SDK1: variants seen among roughly 807,000 people sequenced by gnomAD.
The protein encoded by SDK1 is sidekick cell adhesion molecule 1.
A neutral mutation model predicts 245.5 loss-of-function variants in SDK1; 157 were observed. The ratio of observed to expected loss-of-function variants is 0.64; its 90% CI spans 0.56 to 0.73. The LOEUF is 0.73. SDK1 is among the 30% of genes least tolerant of loss of function. The probability of loss-of-function intolerance (pLI) is 0.00; values close to 1 mark genes in which losing one functional copy is unlikely to be tolerated. For synonymous variants in SDK1, 1,647 were observed against 1,278.5 expected, an observed-to-expected ratio of 1.29 and a Z score of -6.15; for missense variants, 3,583 against 3,002.3, an observed-to-expected ratio of 1.19 and a Z score of -4.52.
chr7:4,023,237 A>T (rs1449375788), intron 17 of SDK1, among the ~76,000 whole-genome samples: 3 of 152,026 alleles, frequency 2.0e-5, no homozygotes, highest in Non-Finnish European at 4.4e-5. Flanking sequence ...ATCCCCCTTC[A>T]TCCACCATCC....
intron 4 of SDK1, among the ~76,000 whole-genome samples, chr7:3,812,212 A>T (rs950608181): frequency 1.5e-4 from 23 of 151,280 alleles, no homozygotes; most frequent in Non-Finnish European, 2.9e-5. Context: ...CTGAATGTGC[A>T]AGCTCAGAAA....
At chr7:4,173,139 A>G (rs2128217126) in intron 32 of SDK1, among the ~76,000 whole-genome samples, 1 of 152,316 alleles carries the variant, frequency 6.6e-6, no homozygotes, top group South Asian at 2.1e-4. Flanking sequence ...TTCTGTGCAC[A>G]TCCGTCCTCT....
intron 5 of SDK1, among the ~76,000 whole-genome samples, chr7:3,825,113 A>C (rs1333514588): frequency 6.6e-6 from 1 of 152,120 alleles, no homozygotes; most frequent in South Asian, 2.1e-4. Context: ...TTTCATGGCC[A>C]GCTCCCACTG....
intron 28 of SDK1, among the ~76,000 whole-genome samples, chr7:4,134,316 C>CA (rs1235472287): frequency 2.6e-5 from 4 of 152,200 alleles, no homozygotes; most frequent in Non-Finnish European, 5.9e-5. Context: ...CTCAGTTGAG[C>CA]AGCCACCTTG....
chr7:4,156,476 T>C (rs568221406), intron 30 of SDK1, among the ~76,000 whole-genome samples: 1 of 152,064 alleles, frequency 6.6e-6, no homozygotes, highest in East Asian at 1.9e-4. Context: ...GGACGCTGAG[T>C]GCAGAGGGTC....
intron 30 of SDK1, among the ~76,000 whole-genome samples, chr7:4,153,889 C>G (rs1012745552): frequency 6.6e-6 from 1 of 151,676 alleles, no homozygotes; most frequent in Non-Finnish European, 1.5e-5. Flanking sequence ...CTATGTTGCC[C>G]AAGCTGGTCT....
At chr7:3,378,079 C>T (rs1781398234) in intron 1 of SDK1, among the ~76,000 whole-genome samples, 1 of 152,088 alleles carries the variant, frequency 6.6e-6, no homozygotes, top group African/African-American at 2.4e-5. Flanking sequence ...GCGCCGGCCC[C>T]CAAACTCTAT....
At chr7:3,911,563 C>T (rs1779164361) in intron 5 of SDK1, among the ~76,000 whole-genome samples, 1 of 152,204 alleles carries the variant, frequency 6.6e-6, no homozygotes, top group South Asian at 2.1e-4. Flanking sequence ...CTGATCCATT[C>T]TCCTCCCCAG....
intron 2 of SDK1, among the ~76,000 whole-genome samples, chr7:3,636,915 G>C (rs1304595662): frequency 1.3e-5 from 2 of 152,106 alleles, no homozygotes; most frequent in African/African-American, 4.8e-5. Context: ...GTTTGGGTTT[G>C]CATTTCCCTG....
At chr7:3,690,099 G>A (rs1784403175) in intron 4 of SDK1, among the ~76,000 whole-genome samples, 2 of 152,316 alleles carry the variant, frequency 1.3e-5, no homozygotes, top group South Asian at 2.1e-4. Context: ...TCTTAGGCAT[G>A]TTTATGACAC....
chr7:3,943,394 T>TTCC (rs932474194), intron 5 of SDK1, among the ~76,000 whole-genome samples: 1 of 416 alleles, frequency 2.4e-3, no homozygotes, highest in African/African-American at 0.014. Flanking sequence ...CTCCCCCCAC[T>TTCC]TCCTCCTCCT....
At chr7:3,341,867 C>G (rs1488654309) in intron 1 of SDK1, among the ~76,000 whole-genome samples, 1 of 152,172 alleles carries the variant, frequency 6.6e-6, no homozygotes, top group Non-Finnish European at 1.5e-5. Context: ...ATTATCGTAG[C>G]TTTTATGCAG....
chr7:3,858,809 C>T (rs1335295644), intron 5 of SDK1, among the ~76,000 whole-genome samples: 1 of 149,502 alleles, frequency 6.7e-6, no homozygotes, highest in Non-Finnish European at 1.5e-5. Flanking sequence ...TTTTGGTTAT[C>T]TAGTATAACA....
intron 4 of SDK1, among the ~76,000 whole-genome samples, chr7:3,692,351 ATG>A (rs913044868): frequency 7.2e-5 from 11 of 152,024 alleles, no homozygotes; most frequent in African/African-American, 2.4e-4. Context: ...TAGTGTGTAT[ATG>A]TGTGTGTCTG....
rs1426636509 is a variant in SDK1 at position 3,826,113 on chromosome 7, GCCT to G, written c.847+4534_847+4536del. 2.0e-5 allele frequency among the ~76,000 whole-genome samples: 3 copies of G among 152,270 alleles called. No individual in the cohort carries two copies. In the East Asian group the frequency reaches 5.8e-4, roughly 29 times the overall value. On this transcript the variant is annotated intron_variant, in intron 5 of 44. Transcript: ENST00000404826. ...GAAGTGTGAGGCATGCTCTGCCCTG[GCCT>G]CCTGAGCTGGTGTTGGACAGAACTA...
chr7:3,869,633 A>G (rs1300711412), intron 5 of SDK1, among the ~76,000 whole-genome samples: 1 of 152,104 alleles, frequency 6.6e-6, no homozygotes, highest in Non-Finnish European at 1.5e-5. Flanking sequence ...CGGCTTCCAC[A>G]GGCCACATCT....
At chr7:3,531,581 T>C (rs559891190) in intron 1 of SDK1, among the ~76,000 whole-genome samples, 2 of 152,338 alleles carry the variant, frequency 1.3e-5, no homozygotes, top group African/African-American at 4.8e-5. Flanking sequence ...TACCTAAGTA[T>C]GTCTCAGATA....
chr7:3,335,273 G>A (rs563049488), intron 1 of SDK1, among the ~76,000 whole-genome samples: 1 of 152,226 alleles, frequency 6.6e-6, no homozygotes, highest in East Asian at 1.9e-4. Flanking sequence ...GGTTCTGTGT[G>A]GATGGTCCCA....
At chr7:3,845,162 G>A (rs1344688101) in intron 5 of SDK1, among the ~76,000 whole-genome samples, 1 of 152,056 alleles carries the variant, frequency 6.6e-6, no homozygotes, top group Non-Finnish European at 1.5e-5. Flanking sequence ...GGAGGGTGAG[G>A]GCAGAGCCAA....
Sources: gnomAD v4.1 joint callset for allele counts (sites outside exome capture counted in the v4.1 genomes callset) on GRCh38, gnomAD v4.1.1 for gene constraint, MANE v1.5 for transcripts, NCBI Gene and HGNC (gene_info 2026-07-23, HGNC 2026-07-21) for gene names.